Variants in POU3F3 observed in about 807,000 individuals in gnomAD.
The protein encoded by POU3F3 is POU class 3 homeobox 3.
POU3F3 carries 1 observed loss-of-function variant against 8.6 expected under a neutral mutation model. That is an observed-to-expected ratio of 0.12 (90% CI 0.04 to 0.55). The LOEUF (loss-of-function observed/expected upper bound fraction) is 0.55, where lower values mean the gene tolerates loss of function less well. Among genes scored for constraint, POU3F3 ranks in the 20% least tolerant of loss-of-function variants. POU3F3 has a pLI of 0.91. For missense variants in POU3F3, 577 were observed against 690.7 expected, an observed-to-expected ratio of 0.84 and a Z score of 1.84; for synonymous variants, 418 against 327.4, an observed-to-expected ratio of 1.28 and a Z score of -2.99.
At chr2:104,895,543 A>G in the POU3F3 span, among the ~76,000 whole-genome samples, 3 of 152,220 alleles carry the variant, frequency 2.0e-5, no homozygotes, top group African/African-American at 7.2e-5. Flanking sequence ...AGTGTCTGAT[A>G]CTACGGAAGC....
chr2:104,888,216 G>A, the POU3F3 span, among the ~76,000 whole-genome samples: 3 of 152,208 alleles, frequency 2.0e-5, no homozygotes, highest in African/African-American at 7.2e-5. Flanking sequence ...TATTTTTACA[G>A]GTTCTTGTGG....
the POU3F3 span, chr2:104,925,839 T>C: frequency 6.6e-6 from 1 of 152,196 alleles, no homozygotes; most frequent in Non-Finnish European, 1.5e-5. Flanking sequence ...ACTGGGGAGT[T>C]ATTTTGTGTG....
the POU3F3 span, chr2:104,872,354 G>A: frequency 4.4e-6 from 2 of 456,518 alleles, no homozygotes; most frequent in African/African-American, 4.0e-5. The surrounding 1 kb of genome is among the most constrained non-coding windows in gnomAD (Gnocchi z 4.6). Context: ...CACACTTCGG[G>A]CTCTGAGCTC....
At chr2:104,899,425 T>C in the POU3F3 span, among the ~76,000 whole-genome samples, 1 of 152,280 alleles carries the variant, frequency 6.6e-6, no homozygotes, top group East Asian at 1.9e-4. Context: ...ATAGAGAGGA[T>C]CAGATCCTTA....
chr2:104,880,447 GCCTA>G, the POU3F3 span, among the ~76,000 whole-genome samples: 42 of 152,140 alleles, frequency 2.8e-4, no homozygotes, highest in Non-Finnish European at 5.6e-4. Context: ...TAGGGGAGCA[GCCTA>G]GGAGTCCCCA....
chr2:104,893,761 T>C, the POU3F3 span, among the ~76,000 whole-genome samples: 1 of 151,568 alleles, frequency 6.6e-6, no homozygotes, highest in East Asian at 1.9e-4. Flanking sequence ...CAGGTGCCTG[T>C]AATCCCAGCT....
downstream of POU3F3, among the ~76,000 whole-genome samples, chr2:104,861,632 T>TC (rs1377972890): frequency 7.8e-4 from 119 of 152,318 alleles, no homozygotes; most frequent in African/African-American, 2.6e-3. Flanking sequence ...AAAAATTAGA[T>TC]GATCTATAAA....
chr2:104,918,265 T>A, the POU3F3 span, among the ~76,000 whole-genome samples: 1 of 152,218 alleles, frequency 6.6e-6, no homozygotes, highest in African/African-American at 2.4e-5. Context: ...GGATGTAGAA[T>A]TCTATTCTGG....
chr2:104,855,863 C>T lies in POU3F3; in HGVS notation c.353C>T (p.Ala118Val). 1.9e-6 allele frequency: 2 copies of T among 1,069,378 alleles called. No homozygotes were observed. The highest frequency in any genetic ancestry group is 3.4e-5 in the South Asian group (1 of 29,674). The allele number at this position is 1,069,378 out of a possible 1,614,324, so 66.2% of individuals were successfully genotyped here. A position where few individuals can be genotyped will look rare whatever the true frequency, so the allele number is the denominator to read the frequency against. The change falls in exon 1 of 1, where the codon GCG (alanine) becomes GTG (valine). Residue 118 changes from alanine (A) to valine (V), a missense_variant. By Grantham distance (64) the Ala-to-Val change is moderately conservative. Around this residue, in one of 7 missense-constraint regions of POU3F3, gnomAD observed 484 missense variants for 422.6 expected, o/e 1.15. Transcript: ENST00000361360. ...AAAAAAAAVEASSPWSGSAVG... is the reference protein window; with the variant it reads ...AAAAAAAAVEVSSPWSGSAVG... ...GCTGCCGCCGCCGCCGCCGTGGAGG[C>T]GAGCTCGCCGTGGTCGGGCAGCGCC...
In POU3F3 at chr2:104,857,142, C is replaced by G; in HGVS notation, c.*129C>G. On this transcript the variant is annotated 3_prime_UTR_variant, in exon 1 of 1. Transcript: ENST00000361360. ...TGCCGCCGCCGCGCCGACCCTGCAC[C>G]TGGGCCGCTCCGGGCTCCAGCCCAG... 1.1e-6 allele frequency: 1 copy of G among 930,468 alleles called. No homozygotes were observed. Among genetic ancestry groups the G allele is most frequent in the Non-Finnish European group, 1.3e-6 (1 of 780,688 alleles). The allele number at this position is 930,468 out of a possible 1,614,324, so 57.6% of individuals were successfully genotyped here.
chr2:104,857,406 T>C lies in POU3F3; in HGVS notation c.*393T>C, dbSNP rs1573321722. 6.5e-6 allele frequency: 1 copy of C among 154,156 alleles called. No homozygotes were observed. Among genetic ancestry groups the C allele is most frequent in the East Asian group, 1.9e-4 (1 of 5,180 alleles). The allele number at this position is 154,156 out of a possible 1,614,324, so 9.5% of individuals were successfully genotyped here. On this transcript the variant is annotated 3_prime_UTR_variant, in exon 1 of 1. Transcript: ENST00000361360. ...ACTGTGGTGGTGTTTCGTTTTTGTTTTTGTTTTTAAAGAAGGGTGAAGATG... is the reference window on the plus strand; with the variant it reads ...ACTGTGGTGGTGTTTCGTTTTTGTTCTTGTTTTTAAAGAAGGGTGAAGATG...
the POU3F3 span, among the ~76,000 whole-genome samples, chr2:104,881,328 A>G: frequency 6.6e-6 from 1 of 151,890 alleles, no homozygotes. Flanking sequence ...CACATAACTA[A>G]AAAAAGATTT....
chr2:104,863,150 CATA>C (rs1484749740), downstream of POU3F3, among the ~76,000 whole-genome samples: 9 of 140,232 alleles, frequency 6.4e-5, 1 homozygote, highest in Admixed American at 3.7e-4. Flanking sequence ...TCCCCAGCCT[CATA>C]ATAACAATTA....
At chr2:104,877,683 G>A in the POU3F3 span, among the ~76,000 whole-genome samples, 12 of 144,644 alleles carry the variant, frequency 8.3e-5, no homozygotes, top group Admixed American at 1.4e-4. Context: ...TTTTTGAGAC[G>A]GAGTCTCACT....
At chr2:104,920,108 G>A in the POU3F3 span, among the ~76,000 whole-genome samples, 3 of 152,180 alleles carry the variant, frequency 2.0e-5, no homozygotes, top group East Asian at 3.9e-4. Context: ...TCTACCTCCC[G>A]GGTTCAAGGG....
At chr2:104,881,150 C>CTTTCTTTCTTTCTTTCTTTCTTT in the POU3F3 span, among the ~76,000 whole-genome samples, 1 of 72,796 alleles carries the variant, frequency 1.4e-5, no homozygotes, top group Non-Finnish European at 3.0e-5. Context: ...TTCTTTCTTT[C>CTTTCTTTCTTTCTTTCTTTCTTT]CTTTCTTTCC....
the POU3F3 span, among the ~76,000 whole-genome samples, chr2:104,876,495 C>G: frequency 1.3e-5 from 2 of 152,182 alleles, no homozygotes; most frequent in East Asian, 1.9e-4. Flanking sequence ...TGCCATTACC[C>G]CACGCCAGGC....
the POU3F3 span, among the ~76,000 whole-genome samples, chr2:104,898,644 C>A: frequency 6.6e-6 from 1 of 152,170 alleles, no homozygotes; most frequent in Non-Finnish European, 1.5e-5. Context: ...GCCTTACTAA[C>A]AAAATGTACA....
chr2:104,919,506 A>T, the POU3F3 span, among the ~76,000 whole-genome samples: 2 of 152,174 alleles, frequency 1.3e-5, no homozygotes, highest in South Asian at 4.1e-4. Context: ...TGGCAATGTA[A>T]TTGCCTCAAA....
Sources: allele counts gnomAD v4.1 joint callset (sites outside exome capture counted in the v4.1 genomes callset), GRCh38; gene constraint gnomAD v4.1.1; regional missense constraint gnomAD v4.1.1; non-coding constraint Gnocchi (gnomAD v3.1); transcripts MANE v1.5; gene names NCBI Gene and HGNC (gene_info 2026-07-23, HGNC 2026-07-21).